Variants in HYCC2 observed in about 807,000 individuals in gnomAD.
The protein encoded by HYCC2 is hyccin 2.
chr2:201,022,645 C>A, the HYCC2 span: 8 of 418,018 alleles, frequency 1.9e-5, no homozygotes, highest in Admixed American at 4.2e-5. Context: ...AAAATTTGAC[C>A]AAAACATTTC....
the HYCC2 span, among the ~76,000 whole-genome samples, chr2:201,038,733 G>C: frequency 6.6e-6 from 1 of 152,000 alleles, no homozygotes; most frequent in African/African-American, 2.4e-5. Context: ...ATCACACACC[G>C]GGGCCTGTTG....
chr2:201,028,636 A>G, the HYCC2 span, among the ~76,000 whole-genome samples: 150 of 152,326 alleles, frequency 9.8e-4, no homozygotes, highest in African/African-American at 3.3e-3. Flanking sequence ...ATGGAACAGA[A>G]CAGAGCCCTC....
At chr2:201,018,738 G>C in the HYCC2 span, among the ~76,000 whole-genome samples, 3 of 152,266 alleles carry the variant, frequency 2.0e-5, no homozygotes, top group South Asian at 4.1e-4. Context: ...GGTTGAAGAG[G>C]GTGGATAGCT....
At chr2:201,024,140 C>T in the HYCC2 span, 1 of 630,658 alleles carries the variant, frequency 1.6e-6, no homozygotes, top group African/African-American at 1.9e-5. Context: ...ATCTACTATA[C>T]ATTTTAGATA....
At chr2:201,054,147 G>A in the HYCC2 span, among the ~76,000 whole-genome samples, 1 of 152,194 alleles carries the variant, frequency 6.6e-6, no homozygotes, top group Admixed American at 6.5e-5. Context: ...GGAATAATCG[G>A]AGAAGCCCTT....
the HYCC2 span, chr2:201,063,954 A>G: frequency 1.3e-6 from 2 of 1,597,500 alleles, no homozygotes; most frequent in South Asian, 1.1e-5. Flanking sequence ...TCTGGCCCCT[A>G]TGGCGGTGGA....
chr2:201,029,310 G>A, the HYCC2 span, among the ~76,000 whole-genome samples: 2 of 151,296 alleles, frequency 1.3e-5, no homozygotes, highest in African/African-American at 4.8e-5. Context: ...GGAAACAACA[G>A]ATGCTTTTAC....
At chr2:201,026,567 A>C in the HYCC2 span, among the ~76,000 whole-genome samples, 1 of 152,226 alleles carries the variant, frequency 6.6e-6, no homozygotes, top group South Asian at 2.1e-4. Flanking sequence ...GTTGGAAGTA[A>C]AGCTCTCCTC....
chr2:201,063,621 G>C, the HYCC2 span: 1 of 1,579,668 alleles, frequency 6.3e-7, no homozygotes, highest in Non-Finnish European at 8.6e-7. Flanking sequence ...TGTGAAGTTA[G>C]AAAAGCCCTG....
chr2:201,046,580 G>A, the HYCC2 span, among the ~76,000 whole-genome samples: 1 of 152,138 alleles, frequency 6.6e-6, no homozygotes, highest in African/African-American at 2.4e-5. Context: ...CCACCAAGAT[G>A]ACTGCCAAAT....
the HYCC2 span, among the ~76,000 whole-genome samples, chr2:201,045,186 A>G: frequency 6.6e-6 from 1 of 152,228 alleles, no homozygotes; most frequent in African/African-American, 2.4e-5. Flanking sequence ...ACAGATATAG[A>G]ATATAGCCAT....
the HYCC2 span, among the ~76,000 whole-genome samples, chr2:201,033,388 T>TTATTA: frequency 2.0e-5 from 3 of 150,066 alleles, no homozygotes; most frequent in East Asian, 5.9e-4. Flanking sequence ...TTATTTTATT[T>TTATTA]TATTTTATTT....
the HYCC2 span, among the ~76,000 whole-genome samples, chr2:201,005,321 A>G: frequency 6.6e-6 from 1 of 152,126 alleles, no homozygotes; most frequent in African/African-American, 2.4e-5. Context: ...TGATGCTGGA[A>G]TAGTCATCAT....
At chr2:200,988,426 A>T in the HYCC2 span, 1 of 1,609,644 alleles carries the variant, frequency 6.2e-7, no homozygotes, top group Non-Finnish European at 8.5e-7. Context: ...GGCAACCTAC[A>T]ATGATAATAT....
the HYCC2 span, among the ~76,000 whole-genome samples, chr2:201,008,613 G>A: frequency 1.3e-5 from 2 of 151,914 alleles, no homozygotes; most frequent in African/African-American, 4.8e-5. Flanking sequence ...TAAATAAATG[G>A]GCCAGGTGCA....
the HYCC2 span, among the ~76,000 whole-genome samples, chr2:201,049,689 C>T: frequency 2.8e-3 from 432 of 151,890 alleles, 2 homozygotes; most frequent in African/African-American, 0.01. Flanking sequence ...CCTGCATAGT[C>T]AGCCACAAGA....
chr2:201,044,072 C>A, the HYCC2 span, among the ~76,000 whole-genome samples: 5 of 152,254 alleles, frequency 3.3e-5, no homozygotes, highest in African/African-American at 1.2e-4. Flanking sequence ...AAGATCATTT[C>A]TCCTACTGTA....
the HYCC2 span, among the ~76,000 whole-genome samples, chr2:201,000,749 A>C: frequency 5.3e-5 from 8 of 152,194 alleles, no homozygotes; most frequent in Admixed American, 4.6e-4. Flanking sequence ...ATGTATGTTC[A>C]CACAAAAATT....
At chr2:200,997,367 C>A in the HYCC2 span, 2 of 1,033,032 alleles carry the variant, frequency 1.9e-6, no homozygotes, top group Non-Finnish European at 1.5e-6. Context: ...GAAGTTAGAA[C>A]AGTGCTTGGC....
Sources: gnomAD v4.1 joint callset for allele counts (sites outside exome capture counted in the v4.1 genomes callset) on GRCh38, gnomAD v4.1.1 for gene constraint, MANE v1.5 for transcripts, NCBI Gene and HGNC (gene_info 2026-07-23, HGNC 2026-07-21) for gene names.